The following IQCH variants were observed in gnomAD, a reference collection of about 807,000 sequenced individuals.
IQCH encodes the protein IQ motif containing H, also known as IQ domain-containing protein H.
Under a neutral mutation model 117.0 loss-of-function variants are expected in IQCH, and 98 were observed. That is an observed-to-expected ratio of 0.84 (90% CI 0.71 to 0.99). The LOEUF (loss-of-function observed/expected upper bound fraction) is 0.99. Ranked by LOEUF, IQCH falls within the 50% of genes least tolerant of loss-of-function variation. The pLI, the probability that IQCH is intolerant of heterozygous loss-of-function variation, is 0.00. For synonymous variants in IQCH, 412 were observed against 448.2 expected, an observed-to-expected ratio of 0.92 and a Z score of 1.02; for missense variants, 1,102 against 1,243.8, an observed-to-expected ratio of 0.89 and a Z score of 1.72.
intron 17 of IQCH, among the ~76,000 whole-genome samples, chr15:67,469,827 G>C (rs553391459): frequency 1.1e-3 from 172 of 152,298 alleles, no homozygotes; most frequent in African/African-American, 4.0e-3. Flanking sequence ...GAGATGTTAA[G>C]CAATTTGTTA....
At chr15:67,315,634 A>T (rs1567089791) in intron 4 of IQCH, among the ~76,000 whole-genome samples, 1 of 152,138 alleles carries the variant, frequency 6.6e-6, no homozygotes, top group Non-Finnish European at 1.5e-5. Flanking sequence ...GCTCTATCTG[A>T]TATTAGAGCC....
chr15:67,353,329 T>C (rs1969745947), intron 6 of IQCH, among the ~76,000 whole-genome samples: 1 of 149,528 alleles, frequency 6.7e-6, no homozygotes, highest in Non-Finnish European at 1.5e-5. Context: ...AATTAAAAAT[T>C]GGCTTCTTTA....
In IQCH at chr15:67,401,326, G is replaced by A. The variant is rs1481039085; in HGVS notation, c.2097+1021G>A. ...AAACCTGCCATTCTAAAACTATCTT[G>A]CTTTTCATCCAGAAATCCCCAGTCT... On this transcript the variant is annotated intron_variant, in intron 14 of 20. Coordinates refer to ENST00000335894, the MANE Select transcript of IQCH (RefSeq NM_001031715.3). This position sits in a 1 kb window ranked among gnomAD's most constrained non-coding sequence, Gnocchi z 4.7. Among the ~76,000 whole-genome samples, 1 of 152,148 alleles carries A rather than the reference G, an allele frequency of 6.6e-6. No individual in the cohort carries two copies.
Position 67,490,128 on chromosome 15 carries a change from G to A in IQCH, c.2861+64G>A, listed in dbSNP as rs2083608061. 9.3e-7 allele frequency: 1 copy of A among 1,070,390 alleles called. No homozygotes were observed. The allele number at this position is 1,070,390 out of a possible 1,614,324, so 66.3% of individuals were successfully genotyped here. A position where few individuals can be genotyped will look rare whatever the true frequency, so the allele number is the denominator to read the frequency against. On this transcript the variant is annotated intron_variant, in intron 19 of 20. Coordinates refer to ENST00000335894, the MANE Select transcript of IQCH (RefSeq NM_001031715.3). The surrounding 1 kb of genome is among the most constrained non-coding windows in gnomAD (Gnocchi z 4.9). ...GGAAATAGACAATCACAACTAACAAGAATGATGCTTCTCATGCATTTTAAT... is the reference window on the plus strand; with the variant it reads ...GGAAATAGACAATCACAACTAACAAAAATGATGCTTCTCATGCATTTTAAT...
At chr15:67,389,149 C>G in intron 12 of IQCH, 143 bp downstream of exon 12, 1 of 653,040 alleles carries the variant, frequency 1.5e-6, no homozygotes, top group Non-Finnish European at 2.6e-6. Context: ...ACTAGTTGGT[C>G]TGTAGGAAAT....
At position 67,475,095 on chromosome 15, in the gene IQCH, G is replaced by A. The variant is rs951966282; in HGVS notation, c.2677-601G>A. 6.6e-6 allele frequency among the ~76,000 whole-genome samples: 1 copy of A among 152,102 alleles called. No individual in the cohort carries two copies. Among genetic ancestry groups the A allele is most frequent in the Non-Finnish European group, 1.5e-5 (1 of 68,028 alleles). On this transcript the variant is annotated intron_variant, in intron 17 of 20. Coordinates refer to ENST00000335894, the MANE Select transcript of IQCH (RefSeq NM_001031715.3). This position sits in a 1 kb window ranked among gnomAD's most constrained non-coding sequence, Gnocchi z 5.7. Reference sequence around the variant, plus strand: ...CTAAGGAGATATGACAGCTAGTTACGGTGCAGTGTCTCAGATGGGGTCCTG... The same window carrying A: ...CTAAGGAGATATGACAGCTAGTTACAGTGCAGTGTCTCAGATGGGGTCCTG...
chr15:67,487,121 T>A (rs1229840774), intron 18 of IQCH, among the ~76,000 whole-genome samples: 14 of 151,990 alleles, frequency 9.2e-5, no homozygotes, highest in Admixed American at 9.2e-4. Flanking sequence ...TCACCTGAGG[T>A]CAGGAGTTTG....
intron 4 of IQCH, among the ~76,000 whole-genome samples, chr15:67,298,992 T>C (rs1231598893): frequency 6.7e-6 from 1 of 150,010 alleles, no homozygotes; most frequent in Non-Finnish European, 1.5e-5. Flanking sequence ...CTATTCCCAA[T>C]AGCCAAGATT....
At position 67,422,140 on chromosome 15, in the gene IQCH, T is replaced by C. The variant is rs886222607; in HGVS notation, c.2505+563T>C. Among the ~76,000 whole-genome samples, 10 of 151,988 alleles carry C rather than the reference T, an allele frequency of 6.6e-5. No individual in the cohort carries two copies. Among genetic ancestry groups the C allele is most frequent in the African/African-American group, 2.2e-4 (9 of 41,488 alleles). ...AGTGACTGAATCTCACCCCTCACAG[T>C]TCACAGCTCTTTTGATTAGGCCCTC... On this transcript the variant is annotated intron_variant, in intron 16 of 20. Coordinates refer to ENST00000335894, the MANE Select transcript of IQCH (RefSeq NM_001031715.3). The surrounding 1 kb of genome is among the most constrained non-coding windows in gnomAD (Gnocchi z 4.7).
chr15:67,412,127 G>A (rs1045750774), intron 14 of IQCH, among the ~76,000 whole-genome samples: 3 of 152,212 alleles, frequency 2.0e-5, no homozygotes, highest in African/African-American at 7.2e-5. Context: ...GCCGCTAATT[G>A]CATTCCCAGA....
intron 1 of IQCH, among the ~76,000 whole-genome samples, chr15:67,258,455 C>T (rs1374563478): frequency 2.0e-5 from 3 of 147,772 alleles, no homozygotes; most frequent in South Asian, 2.1e-4. Flanking sequence ...CACTTGAACC[C>T]GGGAGGTGGA....
At chr15:67,324,680 G>A (rs906863816) in intron 4 of IQCH, among the ~76,000 whole-genome samples, 25 of 150,948 alleles carry the variant, frequency 1.7e-4, no homozygotes, top group African/African-American at 5.8e-4. Context: ...TTTTCACTGG[G>A]TATAGAATTT....
rs546743198 is a variant in IQCH at position 67,485,753 on chromosome 15, G to A, written c.2800-4250G>A. Among the ~76,000 whole-genome samples the A allele has an allele frequency of 8.0e-3, 1,214 of 151,738 alleles. 15 individuals are homozygous for A. The highest frequency in any genetic ancestry group is 0.026 in the African/African-American group (1,073 of 41,372). On this transcript the variant is annotated intron_variant, in intron 18 of 20. Coordinates refer to ENST00000335894, the MANE Select transcript of IQCH (RefSeq NM_001031715.3). ...GGCTCACTGCAACCTCCGCCTTCCG[G>A]GTTCAAGCAGTTCTCCTGCCTCAGC...
chr15:67,268,133 A>G (rs1369460619), intron 3 of IQCH, among the ~76,000 whole-genome samples: 1 of 152,190 alleles, frequency 6.6e-6, no homozygotes, highest in African/African-American at 2.4e-5. Flanking sequence ...CTGCCTGAAA[A>G]TCAGAAAGCC....
intron 3 of IQCH, among the ~76,000 whole-genome samples, chr15:67,278,279 G>A (rs979482056): frequency 1.3e-5 from 2 of 152,228 alleles, no homozygotes. Context: ...GCTGGAAGCA[G>A]AAGCGGATTC....
rs1490073724 is a variant in IQCH at position 67,356,088 on chromosome 15, A to G, written c.638-1257A>G. ...TACTGAGTCTGCAGACAATAGGAAT[A>G]ACAAATTTTACTGGTGAATCTGTGG... On this transcript the variant is annotated intron_variant, in intron 6 of 20. Coordinates refer to ENST00000335894, the MANE Select transcript of IQCH (RefSeq NM_001031715.3). The surrounding 1 kb of genome is among the most constrained non-coding windows in gnomAD (Gnocchi z 5.3). Among the ~76,000 whole-genome samples the G allele has an allele frequency of 6.6e-6, 1 of 152,192 alleles. No homozygotes were observed. Among genetic ancestry groups the G allele is most frequent in the East Asian group, 1.9e-4 (1 of 5,200 alleles).
intron 8 of IQCH, among the ~76,000 whole-genome samples, chr15:67,361,743 T>C (rs1428821319): frequency 2.0e-5 from 3 of 152,186 alleles, no homozygotes; most frequent in African/African-American, 7.2e-5. Context: ...AGAAGTTGAA[T>C]AAGTTTAAGT....
intron 4 of IQCH, among the ~76,000 whole-genome samples, chr15:67,317,700 AG>A (rs1466589845): frequency 1.3e-5 from 2 of 152,194 alleles, no homozygotes; most frequent in African/African-American, 4.8e-5. Flanking sequence ...AATATCTTCT[AG>A]GGTACCTTAC....
chr15:67,262,331 C>T (rs924819497), intron 2 of IQCH, among the ~76,000 whole-genome samples: 2 of 152,164 alleles, frequency 1.3e-5, no homozygotes, highest in East Asian at 1.9e-4. Context: ...GGTCCATCTT[C>T]CATCAATCTC....
Sources: gnomAD v4.1 joint callset for allele counts (sites outside exome capture counted in the v4.1 genomes callset) on GRCh38, gnomAD v4.1.1 for gene constraint, Gnocchi (gnomAD v3.1) non-coding constraint, MANE v1.5 for transcripts, NCBI Gene and HGNC (gene_info 2026-07-23, HGNC 2026-07-21) for gene names.